Variants in DNMBP observed in about 807,000 individuals in gnomAD.
DNMBP encodes the protein dynamin-binding protein.
Under a neutral mutation model 150.0 loss-of-function variants are expected in DNMBP, and 87 were observed. The observed-to-expected ratio is 0.58, with a 90% CI of 0.49 to 0.69. The LOEUF (loss-of-function observed/expected upper bound fraction) is 0.69, where lower values mean the gene tolerates loss of function less well. Among genes scored for constraint, DNMBP ranks in the 30% least tolerant of loss-of-function variants. The pLI, the probability that DNMBP is intolerant of heterozygous loss-of-function variation, is 0.00. For synonymous variants in DNMBP, 711 were observed against 750.4 expected (o/e 0.95, Z 0.86); for missense variants, 1,774 against 1,949.0 (o/e 0.91, Z 1.69).
intron 11 of DNMBP, among the ~76,000 whole-genome samples, chr10:99,889,810 A>C (rs1480505586): frequency 6.6e-6 from 1 of 152,208 alleles, no homozygotes. Context: ...TCTCTTTGGC[A>C]TTCCCCTATG....
chr10:99,927,821 C>T (rs1328596634), intron 4 of DNMBP, among the ~76,000 whole-genome samples: 2 of 152,098 alleles, frequency 1.3e-5, no homozygotes. Context: ...TCAGAGGGCA[C>T]ATTACAACAC....
At chr10:99,979,683 T>G (rs1456224675) in intron 1 of DNMBP, among the ~76,000 whole-genome samples, 1 of 152,236 alleles carries the variant, frequency 6.6e-6, no homozygotes, top group Non-Finnish European at 1.5e-5. Flanking sequence ...GAGGAGCATT[T>G]TAAAATTAGC....
At chr10:99,938,809 TA>T (rs2040262439) in intron 4 of DNMBP, among the ~76,000 whole-genome samples, 1 of 152,242 alleles carries the variant, frequency 6.6e-6, no homozygotes, top group African/African-American at 2.4e-5. Context: ...ATGACTTTTC[TA>T]CTTTTCTCAA....
intron 4 of DNMBP, among the ~76,000 whole-genome samples, chr10:99,939,752 G>A (rs1007292092): frequency 2.6e-5 from 4 of 152,220 alleles, no homozygotes; most frequent in Non-Finnish European, 4.4e-5. Flanking sequence ...TGCAACTTCC[G>A]CAATCACCCC....
intron 1 of DNMBP, among the ~76,000 whole-genome samples, chr10:99,972,798 G>GA (rs1303240366): frequency 3.7e-4 from 56 of 152,216 alleles, no homozygotes; most frequent in Admixed American, 3.7e-3. Flanking sequence ...TTTTTGAGAT[G>GA]AAATCTCGCT....
At chr10:99,986,447 A>T (rs138560201) in intron 1 of DNMBP, among the ~76,000 whole-genome samples, 2 of 152,212 alleles carry the variant, frequency 1.3e-5, no homozygotes, top group African/African-American at 4.8e-5. Flanking sequence ...TTTGGTGGGA[A>T]ATGTGCCAAA....
chr10:99,998,618 CA>C (rs1462705251), intron 1 of DNMBP, among the ~76,000 whole-genome samples: 1 of 147,184 alleles, frequency 6.8e-6, no homozygotes, highest in Non-Finnish European at 1.5e-5. Flanking sequence ...TAACTAAATA[CA>C]ATACATGTAC....
chr10:99,940,996 T>G (rs888555766), intron 4 of DNMBP, among the ~76,000 whole-genome samples: 1 of 152,188 alleles, frequency 6.6e-6, no homozygotes, highest in Non-Finnish European at 1.5e-5. Flanking sequence ...GTGATTCTCC[T>G]GCCTCAGCCT....
In DNMBP at chr10:99,898,843, A is replaced by G. The variant is rs973840836; in HGVS notation, c.2703-83T>C. ...GTTTCACATTTTTCTCAGAACATAA[A>G]TCATGTGGGACAAAAAATTATGAAT... On this transcript the variant is annotated intron_variant, in intron 7 of 16. Transcript: ENST00000324109. 2.8e-5 allele frequency: 36 copies of G among 1,300,194 alleles called. No individual in the cohort carries two copies. In the African/African-American group the frequency reaches 5.0e-4, roughly 18 times the overall value. The allele number at this position is 1,300,194 out of a possible 1,614,324, so 80.5% of individuals were successfully genotyped here. A position where few individuals can be genotyped will look rare whatever the true frequency, so the allele number is the denominator to read the frequency against.
chr10:99,937,279 ACAGCAG>A (rs951639569), intron 4 of DNMBP, among the ~76,000 whole-genome samples: 12 of 151,846 alleles, frequency 7.9e-5, no homozygotes, highest in African/African-American at 2.4e-4. Context: ...TCCTCAACCA[ACAGCAG>A]CAGCAGCAAC....
chr10:99,883,315 A>C (rs528900042), intron 15 of DNMBP, among the ~76,000 whole-genome samples: 68 of 152,248 alleles, frequency 4.5e-4, no homozygotes, highest in African/African-American at 1.6e-3. Context: ...TCATGGGGAG[A>C]AGAAAGCAAA....
chr10:99,996,326 G>A (rs1037632159), intron 1 of DNMBP, among the ~76,000 whole-genome samples: 9 of 152,090 alleles, frequency 5.9e-5, no homozygotes, highest in African/African-American at 2.2e-4. Flanking sequence ...TTTGAGACCA[G>A]CCTGGCCAAA....
At chr10:99,892,016 G>A (rs1329823155) in intron 11 of DNMBP, among the ~76,000 whole-genome samples, 4 of 137,784 alleles carry the variant, frequency 2.9e-5, no homozygotes, top group African/African-American at 6.0e-5. Context: ...CCCTCTGCCC[G>A]GCCAGCCGCC....
chr10:99,900,513 A>G (rs182715253), intron 6 of DNMBP, among the ~76,000 whole-genome samples: 1 of 152,192 alleles, frequency 6.6e-6, no homozygotes, highest in African/African-American at 2.4e-5. Context: ...ACACACACAC[A>G]CAATGTGACT....
At chr10:100,006,426 G>A (rs1444525093) in intron 1 of DNMBP, among the ~76,000 whole-genome samples, 2 of 152,148 alleles carry the variant, frequency 1.3e-5, no homozygotes, top group African/African-American at 2.4e-5. Context: ...ATGAGGAAAC[G>A]AAGACTCAGG....
In DNMBP at chr10:99,956,912, C is replaced by G; in HGVS notation, c.562G>C (p.Glu188Gln). ...TCTGGAAAAATGCCTCTTCGGCCCTCTAACTCCCCTTCAAACCAGCCTGGT... is the reference window on the plus strand; with the variant it reads ...TCTGGAAAAATGCCTCTTCGGCCCTGTAACTCCCCTTCAAACCAGCCTGGT... ...PEPGWFEGEL[E>Q]GRRGIFPEGF... The change falls in exon 4 of 17, where the codon GAG becomes CAG. Residue 188 changes from glutamate to glutamine, a missense_variant. Glu to Gln is a conservative substitution (Grantham distance 29). Transcript: ENST00000324109. The G allele has an allele frequency of 6.2e-7, 1 of 1,614,246 alleles. No individual in the cohort carries two copies. The highest frequency in any genetic ancestry group is 8.5e-7 in the Non-Finnish European group (1 of 1,180,050).
At chr10:100,001,891 G>A (rs188067036) in intron 1 of DNMBP, among the ~76,000 whole-genome samples, 31 of 152,248 alleles carry the variant, frequency 2.0e-4, no homozygotes, top group Non-Finnish European at 3.4e-4. Context: ...CTAGTTTTTG[G>A]TCTGTTGGGC....
At chr10:99,929,604 A>G in intron 4 of DNMBP, 2 of 668,418 alleles carry the variant, frequency 3.0e-6, no homozygotes, top group East Asian at 5.4e-5. Context: ...GGCTGAGTTC[A>G]TACCTTGGGT....
At chr10:99,962,587 T>C (rs199773221) in intron 3 of DNMBP, among the ~76,000 whole-genome samples, 165 of 151,748 alleles carry the variant, frequency 1.1e-3, no homozygotes, top group Middle Eastern at 6.8e-3. Flanking sequence ...GCCGAGATTG[T>C]GCCACTGCAC....
Sources: gnomAD v4.1 joint callset for allele counts (sites outside exome capture counted in the v4.1 genomes callset) on GRCh38, gnomAD v4.1.1 for gene constraint, MANE v1.5 for transcripts, NCBI Gene and HGNC (gene_info 2026-07-23, HGNC 2026-07-21) for gene names.